The following PPM1H variants were observed in gnomAD, a reference collection of about 807,000 sequenced individuals.
PPM1H encodes protein phosphatase 1H.
In PPM1H, 27 loss-of-function variants were observed where a neutral mutation model predicts 54.9. The observed-to-expected ratio is 0.49, with a 90% CI of 0.36 to 0.68. PPM1H has a LOEUF of 0.68. Among genes scored for constraint, PPM1H ranks in the 30% least tolerant of loss-of-function variants. The pLI is 0.00. For synonymous variants in PPM1H, 305 were observed against 270.8 expected (o/e 1.13, Z -1.24); for missense variants, 596 against 667.8 (o/e 0.89, Z 1.19).
intron 1 of PPM1H, among the ~76,000 whole-genome samples, chr12:62,847,764 C>T (rs1469634223): frequency 1.3e-5 from 2 of 151,934 alleles, no homozygotes; most frequent in Admixed American, 6.6e-5. Context: ...AAAAAAAAAG[C>T]TGTTAAACTT....
chr12:62,826,156 A>T (rs1482190202), intron 2 of PPM1H, among the ~76,000 whole-genome samples: 1 of 152,202 alleles, frequency 6.6e-6, no homozygotes, highest in Non-Finnish European at 1.5e-5. Flanking sequence ...TCTGTAGTAG[A>T]AAAGGTCATC....
chr12:62,803,561 G>C (rs923372999), intron 2 of PPM1H, among the ~76,000 whole-genome samples: 1 of 152,056 alleles, frequency 6.6e-6, no homozygotes, highest in African/African-American at 2.4e-5. Context: ...ATAGCCTAAA[G>C]ACTTAGATGT....
chr12:62,762,234 C>T (rs897869355), intron 4 of PPM1H, among the ~76,000 whole-genome samples: 4 of 152,172 alleles, frequency 2.6e-5, no homozygotes, highest in African/African-American at 9.7e-5. Context: ...CCTGTGGTGA[C>T]CACACCTGAT....
intron 4 of PPM1H, among the ~76,000 whole-genome samples, chr12:62,744,018 A>C (rs1361745356): frequency 6.6e-6 from 1 of 152,168 alleles, no homozygotes; most frequent in South Asian, 2.1e-4. Context: ...CATGCTAAAG[A>C]AATAAAAGAC....
chr12:62,827,245 T>C (rs1211697179), intron 2 of PPM1H, among the ~76,000 whole-genome samples: 1 of 152,134 alleles, frequency 6.6e-6, no homozygotes, highest in African/African-American at 2.4e-5. Flanking sequence ...TGGTCCACTT[T>C]TCAGTGACCA....
At chr12:62,789,103 C>A (rs146634560) in intron 3 of PPM1H, among the ~76,000 whole-genome samples, 1 of 152,284 alleles carries the variant, frequency 6.6e-6, no homozygotes, top group South Asian at 2.1e-4. Flanking sequence ...GCAGCCTTGA[C>A]CTCCTGGGCT....
chr12:62,711,374 C>T lies in PPM1H; in HGVS notation c.1073+8797G>A, dbSNP rs201564639. On this transcript the variant is annotated intron_variant, in intron 6 of 9. Coordinates refer to ENST00000228705, the MANE Select transcript of PPM1H (RefSeq NM_020700.2). ...AAATGATCTGTGGTGGGGATTGGCC[C>T]AGCTAGGCAGTCTGGCTCCAGCATC... Among the ~76,000 whole-genome samples the T allele has an allele frequency of 2.6e-5, 4 of 152,300 alleles. No homozygotes were observed. In the East Asian group the frequency reaches 5.8e-4, roughly 22 times the overall value.
intron 4 of PPM1H, among the ~76,000 whole-genome samples, chr12:62,773,803 G>T (rs977520380): frequency 6.6e-6 from 1 of 152,136 alleles, no homozygotes; most frequent in African/African-American, 2.4e-5. Flanking sequence ...GCAGGGTGGG[G>T]GCTTCCTGGG....
chr12:62,710,469 T>C (rs1350175360), intron 6 of PPM1H, among the ~76,000 whole-genome samples: 1 of 150,082 alleles, frequency 6.7e-6, no homozygotes, highest in Non-Finnish European at 1.5e-5. Context: ...GAGGCGGAGG[T>C]TGCAGTGGGC....
At chr12:62,674,736 C>T (rs1167143695) in intron 8 of PPM1H, among the ~76,000 whole-genome samples, 11 of 152,358 alleles carry the variant, frequency 7.2e-5, no homozygotes, top group African/African-American at 1.2e-4. Flanking sequence ...CTTGGATGGA[C>T]GAGCTGGACA....
intron 1 of PPM1H, among the ~76,000 whole-genome samples, chr12:62,906,448 G>T (rs942503621): frequency 1.3e-5 from 2 of 152,302 alleles, no homozygotes; most frequent in Non-Finnish European, 2.9e-5. Context: ...AGTTAAGTCG[G>T]TAATCCATGT....
chr12:62,693,861 ACTGCCACGGG>A, intron 7 of PPM1H, 65 bp downstream of exon 7: 1 of 1,326,968 alleles, frequency 7.5e-7, no homozygotes, highest in South Asian at 1.3e-5. Flanking sequence ...GAACACACGG[ACTGCCACGGG>A]CTATGTGGAG....
At chr12:62,849,960 T>C (rs1469420853) in intron 1 of PPM1H, among the ~76,000 whole-genome samples, 1 of 152,092 alleles carries the variant, frequency 6.6e-6, no homozygotes, top group Non-Finnish European at 1.5e-5. Context: ...ATAACAATTT[T>C]TTACTTTTTT....
Position 62,845,629 on chromosome 12 carries a change from C to T in PPM1H, c.246-13350G>A, listed in dbSNP as rs116368270. 3.6e-3 allele frequency among the ~76,000 whole-genome samples: 541 copies of T among 152,268 alleles called. 5 individuals carry two copies. The highest frequency in any genetic ancestry group is 0.012 in the African/African-American group (516 of 41,556). On this transcript the variant is annotated intron_variant, in intron 1 of 9. Coordinates refer to ENST00000228705, the MANE Select transcript of PPM1H (RefSeq NM_020700.2). The stretch of plus-strand genomic sequence containing the variant: ...CAAGTGCTGCTGTTCCTTGGGGCTG[C>T]AAATGTGGCTTGCTGTTCTTCCTCC...
At position 62,720,209 on chromosome 12, in the gene PPM1H, T is replaced by C. The variant is rs767069940; in HGVS notation, c.1035A>G (p.Gly345=). Residue 345 remains glycine, a synonymous_variant, in exon 6 of 10, where the codon GGA becomes GGG. Transcript: ENST00000228705. ...TAAAGTCCCTGTAGAGCATCTTCTT[T>C]CCAAGCTCCTTTCTCTGTACTCTCC... is the stretch of plus-strand genomic sequence containing the variant. ...FPRRVQRKEL[G]KKMLYRDFNM... The C allele has an allele frequency of 1.9e-6, 3 of 1,613,436 alleles. No individual in the cohort carries two copies. Among genetic ancestry groups the C allele is most frequent in the Middle Eastern group, 3.3e-4 (2 of 6,058 alleles).
chr12:62,873,498 C>T (rs759558594), intron 1 of PPM1H, among the ~76,000 whole-genome samples: 1 of 152,164 alleles, frequency 6.6e-6, no homozygotes, highest in Non-Finnish European at 1.5e-5. Context: ...TACAACATCT[C>T]CCAAGGCAAG....
At chr12:62,795,440 A>T (rs1051158085) in intron 3 of PPM1H, among the ~76,000 whole-genome samples, 4 of 148,856 alleles carry the variant, frequency 2.7e-5, no homozygotes, top group African/African-American at 9.8e-5. Flanking sequence ...CCCCAGATAA[A>T]ATATATATAT....
rs932674219 is a variant in PPM1H at position 62,934,530 on chromosome 12, C to T, written c.207G>A (p.Lys69=). The T allele has an allele frequency of 6.4e-7, 1 of 1,551,980 alleles. No individual in the cohort carries two copies. Among genetic ancestry groups the T allele is most frequent in the Non-Finnish European group, 8.7e-7 (1 of 1,148,348 alleles). Residue 69 remains lysine (K), a synonymous_variant, in exon 1 of 10, where the codon AAG becomes AAA. Transcript: ENST00000228705. The surrounding 1 kb of genome is among the most constrained non-coding windows in gnomAD (Gnocchi z 4.2). ...TGGCCCAGGGCAGCCGCCGAGTCTC[C>T]TTGAGGATGAGGATGGGGCGGGCGA... ...DHIARPILIL[K]ETRRLPWATG...
chr12:62,706,650 G>A (rs1359438372), intron 6 of PPM1H, among the ~76,000 whole-genome samples: 1 of 152,182 alleles, frequency 6.6e-6, no homozygotes, highest in Non-Finnish European at 1.5e-5. Context: ...CATAAGAGAG[G>A]TCATATATCT....
Sources: allele counts gnomAD v4.1 joint callset (sites outside exome capture counted in the v4.1 genomes callset), GRCh38; gene constraint gnomAD v4.1.1; non-coding constraint Gnocchi (gnomAD v3.1); transcripts MANE v1.5; gene names NCBI Gene and HGNC (gene_info 2026-07-23, HGNC 2026-07-21).